The following ARHGEF3 variants were observed in gnomAD, a reference collection of about 807,000 sequenced individuals.
ARHGEF3 encodes the protein 59.8 kDA protein.
ARHGEF3 carries 28 observed loss-of-function variants against 63.2 expected under a neutral mutation model. That is an observed-to-expected ratio of 0.44 (90% CI 0.33 to 0.61). ARHGEF3 has a LOEUF of 0.61. Ranked by LOEUF, ARHGEF3 falls within the 20% of genes least tolerant of loss-of-function variation. The pLI, the probability that ARHGEF3 is intolerant of heterozygous loss-of-function variation, is 0.03. For missense variants in ARHGEF3, 533 were observed against 659.3 expected, an observed-to-expected ratio of 0.81 and a Z score of 2.10; for synonymous variants, 266 against 254.2, an observed-to-expected ratio of 1.05 and a Z score of -0.44.
At chr3:56,888,399 T>C (rs1479325389) in intron 3 of ARHGEF3, among the ~76,000 whole-genome samples, 3 of 152,102 alleles carry the variant, frequency 2.0e-5, no homozygotes. Context: ...AACCAAACCC[T>C]AAATGAACTT....
chr3:56,741,836 G>A (rs2034060019), intron 7 of ARHGEF3, among the ~76,000 whole-genome samples: 1 of 152,162 alleles, frequency 6.6e-6, no homozygotes, highest in Admixed American at 6.6e-5. Flanking sequence ...TTATTTTGCA[G>A]AATTTCAGGG....
intron 3 of ARHGEF3, among the ~76,000 whole-genome samples, chr3:56,953,330 C>T (rs897866972): frequency 6.6e-6 from 1 of 152,220 alleles, no homozygotes; most frequent in Non-Finnish European, 1.5e-5. Flanking sequence ...TTGGCAACTT[C>T]CTTCTATACA....
intron 2 of ARHGEF3, among the ~76,000 whole-genome samples, chr3:56,995,549 AT>A (rs1701936735): frequency 6.6e-6 from 1 of 151,058 alleles, no homozygotes; most frequent in South Asian, 2.1e-4. Flanking sequence ...TTTTCAATCA[AT>A]CCCAAAGTGA....
chr3:56,925,928 C>T (rs2042263304), intron 3 of ARHGEF3, among the ~76,000 whole-genome samples: 1 of 152,220 alleles, frequency 6.6e-6, no homozygotes, highest in African/African-American at 2.4e-5. Context: ...GAAATGCAGA[C>T]TGACATGTGT....
intron 1 of ARHGEF3, chr3:57,075,307 T>C (rs886979078): frequency 1.2e-5 from 2 of 167,192 alleles, no homozygotes; most frequent in African/African-American, 4.8e-5. Flanking sequence ...ACCACTGGGA[T>C]GTAAACTCCA....
intron 3 of ARHGEF3, among the ~76,000 whole-genome samples, chr3:56,935,609 G>A (rs1442588230): frequency 1.3e-5 from 2 of 151,766 alleles, no homozygotes; most frequent in East Asian, 1.9e-4. Flanking sequence ...AACTCCAGAC[G>A]CTCTGCCTTA....
intron 1 of ARHGEF3, chr3:56,775,414 A>G: frequency 1.9e-6 from 2 of 1,025,774 alleles, no homozygotes; most frequent in Non-Finnish European, 2.3e-6. Flanking sequence ...CAATCTCACA[A>G]TGTGGCCAGA....
At chr3:56,803,205 A>T (rs1047995794), upstream of ARHGEF3, among the ~76,000 whole-genome samples, 3 of 152,238 alleles carry the variant, frequency 2.0e-5, no homozygotes, top group Admixed American at 6.5e-5. Flanking sequence ...ACTTAAGCTT[A>T]TAGCTCATGT....
At chr3:56,974,042 C>T (rs1032612958) in intron 2 of ARHGEF3, among the ~76,000 whole-genome samples, 2 of 152,130 alleles carry the variant, frequency 1.3e-5, no homozygotes, top group African/African-American at 4.8e-5. Flanking sequence ...GCTATGATCG[C>T]ACCACTGCAC....
chr3:56,951,316 C>T (rs1699801743), intron 3 of ARHGEF3, among the ~76,000 whole-genome samples: 1 of 151,560 alleles, frequency 6.6e-6, no homozygotes. Context: ...AAAGAAATTG[C>T]CACAGCCACC....
At chr3:56,930,521 T>C (rs2042383252) in intron 3 of ARHGEF3, among the ~76,000 whole-genome samples, 2 of 152,120 alleles carry the variant, frequency 1.3e-5, no homozygotes, top group Non-Finnish European at 2.9e-5. Flanking sequence ...TTGGGATAGA[T>C]TTTTGACGAG....
In ARHGEF3 at chr3:57,037,692, G is replaced by T. The variant is rs375418762; in HGVS notation, c.-27-2516C>A. Among the ~76,000 whole-genome samples the T allele has an allele frequency of 2.0e-5, 3 of 152,154 alleles. No individual in the cohort carries two copies. In the South Asian group the frequency reaches 6.2e-4, roughly 32 times the overall value. ...GATCGAGACCATCCTGGCTAACACG[G>T]TGAAAACCCGTCTCTATTAAAAACA... On this transcript the variant is annotated intron_variant, in intron 1 of 12. Coordinates refer to the ARHGEF3 transcript ENST00000338458.
At chr3:56,892,270 C>G (rs1301016181) in intron 3 of ARHGEF3, among the ~76,000 whole-genome samples, 1 of 152,066 alleles carries the variant, frequency 6.6e-6, no homozygotes, top group South Asian at 2.1e-4. Context: ...AAAAAAAATA[C>G]GGGCATCGAT....
chr3:56,896,333 G>A (rs2041301113), intron 3 of ARHGEF3, among the ~76,000 whole-genome samples: 3 of 151,980 alleles, frequency 2.0e-5, no homozygotes, highest in African/African-American at 7.3e-5. Context: ...AATTATTTGA[G>A]AATGAGTTGC....
chr3:56,751,006 A>G, intron 6 of ARHGEF3, 50 bp downstream of exon 6: 1 of 1,371,976 alleles, frequency 7.3e-7, no homozygotes, highest in Non-Finnish European at 1.0e-6. Flanking sequence ...TGAAACTCCC[A>G]TCTATATTAT....
intron 2 of ARHGEF3, among the ~76,000 whole-genome samples, chr3:56,757,724 C>T (rs2035159411): frequency 1.3e-5 from 2 of 151,468 alleles, no homozygotes; most frequent in South Asian, 2.1e-4. Context: ...ATATTTTTAG[C>T]CTTTTTTTTT....
At chr3:56,947,707 C>T (rs12634809) in intron 3 of ARHGEF3, among the ~76,000 whole-genome samples, 17,467 of 151,936 alleles carry the variant, frequency 0.11, 1,263 homozygotes, top group East Asian at 0.25. Flanking sequence ...CTGTCAACAT[C>T]AGACAGATCA....
chr3:56,983,061 A>G (rs1701386817), intron 2 of ARHGEF3, among the ~76,000 whole-genome samples: 1 of 152,232 alleles, frequency 6.6e-6, no homozygotes, highest in Admixed American at 6.5e-5. Context: ...CAATAAAAAA[A>G]ATAATAATTT....
intron 2 of ARHGEF3, among the ~76,000 whole-genome samples, chr3:57,006,856 C>T (rs1227655907): frequency 1.3e-5 from 2 of 152,200 alleles, no homozygotes; most frequent in Admixed American, 1.3e-4. Context: ...TCCCTCCTGA[C>T]ATTCAGAGAA....
Sources: gnomAD v4.1 joint callset for allele counts (sites outside exome capture counted in the v4.1 genomes callset) on GRCh38, gnomAD v4.1.1 for gene constraint, MANE v1.5 for transcripts, NCBI Gene and HGNC (gene_info 2026-07-23, HGNC 2026-07-21) for gene names.